Variants in EIPR1 observed in about 807,000 individuals in gnomAD.
The protein encoded by EIPR1 is EARP complex and GARP complex interacting protein 1.
In EIPR1, 25 loss-of-function variants were observed where a neutral mutation model predicts 48.1. The ratio of observed to expected loss-of-function variants is 0.52; its 90% CI spans 0.38 to 0.73. The LOEUF (loss-of-function observed/expected upper bound fraction) is 0.73. Ranked by LOEUF, EIPR1 falls within the 30% of genes least tolerant of loss-of-function variation. EIPR1 has a pLI of 0.00. For missense variants in EIPR1, 415 were observed against 506.2 expected, an observed-to-expected ratio of 0.82 and a Z score of 1.73; for synonymous variants, 204 against 201.9, an observed-to-expected ratio of 1.01 and a Z score of -0.09.
At chr2:3,269,270 CACTCAGTCAT>C (rs1667596744) in intron 3 of EIPR1, among the ~76,000 whole-genome samples, 1 of 143,846 alleles carries the variant, frequency 7.0e-6, no homozygotes, top group Non-Finnish European at 1.5e-5. Flanking sequence ...TCAGTCATGG[CACTCAGTCAT>C]GGCACTCAGT....
At chr2:3,311,287 T>C (rs11127404) in intron 3 of EIPR1, among the ~76,000 whole-genome samples, 74,180 of 151,972 alleles carry the variant, frequency 0.49, 20,317 homozygotes, top group East Asian at 0.8. Context: ...AGATGATCTC[T>C]TCCTAGAAAT....
intron 5 of EIPR1, among the ~76,000 whole-genome samples, chr2:3,204,254 G>C (rs1665146727): frequency 2.6e-5 from 4 of 152,330 alleles, no homozygotes; most frequent in South Asian, 2.1e-4. Context: ...GGCAGAAACA[G>C]GATCTGTCAC....
intron 8 of EIPR1, among the ~76,000 whole-genome samples, chr2:3,190,464 C>T (rs992545791): frequency 2.0e-5 from 3 of 152,176 alleles, no homozygotes; most frequent in Admixed American, 2.0e-4. Context: ...GGGACAAATG[C>T]CAGGTGCAAA....
intron 8 of EIPR1, among the ~76,000 whole-genome samples, chr2:3,191,774 C>A (rs1664613930): frequency 6.6e-6 from 1 of 152,204 alleles, no homozygotes; most frequent in South Asian, 2.1e-4. Flanking sequence ...GAAGAGGCTG[C>A]CCTTAGCGAT....
At chr2:3,353,454 T>C (rs989114364) in intron 2 of EIPR1, 32 of 373,770 alleles carry the variant, frequency 8.6e-5, no homozygotes, top group African/African-American at 6.3e-4. Context: ...TCTATAACTT[T>C]TAATGAGTGT....
At chr2:3,215,552 A>G (rs139214335) in intron 4 of EIPR1, among the ~76,000 whole-genome samples, 17 of 152,260 alleles carry the variant, frequency 1.1e-4, no homozygotes, top group African/African-American at 3.4e-4. Flanking sequence ...AAAGGGACCA[A>G]GAATTTTTCA....
chr2:3,196,752 C>T, intron 6 of EIPR1, 129 bp downstream of exon 6: 10 of 1,355,336 alleles, frequency 7.4e-6, no homozygotes, highest in East Asian at 2.6e-5. Flanking sequence ...TGATTTCCTA[C>T]AAAAACGAGA....
chr2:3,229,705 A>G (rs1666178770), intron 4 of EIPR1, among the ~76,000 whole-genome samples: 1 of 152,196 alleles, frequency 6.6e-6, no homozygotes, highest in Admixed American at 6.5e-5. Flanking sequence ...CACTCTTTCA[A>G]TACACAATTA....
chr2:3,295,397 TAC>T (rs1668529972), intron 3 of EIPR1, among the ~76,000 whole-genome samples: 3 of 88,126 alleles, frequency 3.4e-5, no homozygotes, highest in Non-Finnish European at 2.2e-5. Flanking sequence ...CTATCCTCTC[TAC>T]ACACACACCC....
intron 8 of EIPR1, among the ~76,000 whole-genome samples, chr2:3,191,689 G>A (rs765150989): frequency 5.9e-5 from 9 of 152,122 alleles, no homozygotes; most frequent in Middle Eastern, 3.2e-3. Context: ...CCCAGGAAGC[G>A]GCTGCCACTT....
chr2:3,327,883 A>G (rs60390657), intron 3 of EIPR1, among the ~76,000 whole-genome samples: 41,817 of 151,586 alleles, frequency 0.28, 7,757 homozygotes, highest in East Asian at 0.64. Flanking sequence ...TTTTTGAGAT[A>G]GGGTCTAACT....
intron 3 of EIPR1, among the ~76,000 whole-genome samples, chr2:3,264,135 T>C (rs1246124536): frequency 6.6e-6 from 1 of 152,204 alleles, no homozygotes; most frequent in East Asian, 1.9e-4. Context: ...TTCACCAACA[T>C]CTCCCTTTTC....
intron 4 of EIPR1, among the ~76,000 whole-genome samples, chr2:3,240,737 C>T (rs1426612585): frequency 8.3e-4 from 107 of 128,784 alleles, no homozygotes; most frequent in South Asian, 1.9e-3. Context: ...CAGCAGATCC[C>T]TCCTAAAGCA....
In EIPR1 at chr2:3,254,705, G is replaced by A. The variant is rs564950674; in HGVS notation, c.416+2594C>T. On this transcript the variant is annotated intron_variant, in intron 4 of 8. Coordinates refer to ENST00000382125, the MANE Select transcript of EIPR1 (RefSeq NM_003310.5). ...GGTGGCCAGGGGCTAAGGCCTTGGA[G>A]GCGGAAGGGAGGTGGCTGTGGTTAT... is the stretch of plus-strand genomic sequence containing the variant. Among the ~76,000 whole-genome samples the A allele has an allele frequency of 1.3e-4, 20 of 152,382 alleles. No homozygotes were observed. In the South Asian group the frequency reaches 3.9e-3, roughly 30 times the overall value.
chr2:3,235,510 G>A (rs1046833377), intron 4 of EIPR1, among the ~76,000 whole-genome samples: 1 of 152,236 alleles, frequency 6.6e-6, no homozygotes, highest in Admixed American at 6.5e-5. Flanking sequence ...TGACTGGCAA[G>A]TGCTCAAGTG....
At chr2:3,279,169 C>T (rs574927244) in intron 3 of EIPR1, among the ~76,000 whole-genome samples, 42 of 152,216 alleles carry the variant, frequency 2.8e-4, no homozygotes, top group South Asian at 6.2e-4. Flanking sequence ...ACCTCGCAAC[C>T]GATCATGTCA....
intron 3 of EIPR1, among the ~76,000 whole-genome samples, chr2:3,336,571 C>G (rs1017949790): frequency 6.6e-6 from 1 of 152,100 alleles, no homozygotes; most frequent in African/African-American, 2.4e-5. Context: ...AGTTCGAGAC[C>G]AGCCTGGCCA....
chr2:3,276,683 C>T (rs1482978628), intron 3 of EIPR1, among the ~76,000 whole-genome samples: 5 of 152,214 alleles, frequency 3.3e-5, no homozygotes, highest in Non-Finnish European at 5.9e-5. Context: ...TCTTCCGCAT[C>T]CCTAGAATTA....
At chr2:3,283,944 T>TAAAAAAA (rs59593196) in intron 3 of EIPR1, among the ~76,000 whole-genome samples, 1 of 92,882 alleles carries the variant, frequency 1.1e-5, no homozygotes, top group East Asian at 2.6e-4. Flanking sequence ...AGACTACATC[T>TAAAAAAA]AAAAAAAAAA....
Sources: gnomAD v4.1 joint callset for allele counts (sites outside exome capture counted in the v4.1 genomes callset) on GRCh38, gnomAD v4.1.1 for gene constraint, MANE v1.5 for transcripts, NCBI Gene and HGNC (gene_info 2026-07-23, HGNC 2026-07-21) for gene names.